SFT2D1: variants seen among roughly 807,000 people sequenced by gnomAD.
The protein encoded by SFT2D1 is vesicle transport protein SFT2A.
In SFT2D1, 24 loss-of-function variants were observed where a neutral mutation model predicts 28.1. That is an observed-to-expected ratio of 0.85 (90% CI 0.62 to 1.20). The LOEUF is 1.20. Ranked by LOEUF, SFT2D1 falls within the 50% of genes most tolerant of loss-of-function variation. The pLI is 0.00. For missense variants in SFT2D1, 181 were observed against 190.9 expected (o/e 0.95, Z 0.31); for synonymous variants, 82 against 73.7 (o/e 1.11, Z -0.58).
Position 166,328,316 on chromosome 6 carries a change from A to G in SFT2D1, c.275T>C (p.Met92Thr), listed in dbSNP as rs1554262964. ...LMGPVKQLKK[M>T]FEATRLLATI... is the part of the protein sequence containing the mutation. The stretch of plus-strand genomic sequence containing the variant: ...TGCAAGCAATCTTGTTGCTTCAAAC[A>G]TTTTCTTCAGTTGCTTCACAGGTCC... Residue 92 changes from methionine to threonine, a missense_variant, in exon 4 of 8, where the codon ATG becomes ACG. Physicochemically the swap from Met to Thr is moderately conservative, Grantham distance 81. Transcript: ENST00000361731. 1.3e-6 allele frequency: 2 copies of G among 1,598,084 alleles called. No individual in the cohort carries two copies. Among genetic ancestry groups the G allele is most frequent in the African/African-American group, 2.7e-5 (2 of 74,354 alleles).
intron 1 of SFT2D1, among the ~76,000 whole-genome samples, chr6:166,333,378 C>T (rs554282215): frequency 2.0e-5 from 3 of 152,332 alleles, no homozygotes; most frequent in African/African-American, 7.2e-5. Flanking sequence ...CCCTCCACTC[C>T]ACTCAGTGAC....
chr6:166,335,556 C>A (rs1778632014), intron 1 of SFT2D1: 2 of 420,238 alleles, frequency 4.8e-6, no homozygotes, highest in East Asian at 5.5e-5. Flanking sequence ...AGATTTTAAC[C>A]CATTTATGCC....
chr6:166,333,831 G>T (rs1343404037), intron 1 of SFT2D1, among the ~76,000 whole-genome samples: 1 of 152,136 alleles, frequency 6.6e-6, no homozygotes, highest in Non-Finnish European at 1.5e-5. Flanking sequence ...ATTCTTAGCA[G>T]ACAACTTCCC....
At chr6:166,332,262 G>A (rs1360291369) in intron 1 of SFT2D1, among the ~76,000 whole-genome samples, 3 of 152,144 alleles carry the variant, frequency 2.0e-5, no homozygotes, top group Admixed American at 2.0e-4. Context: ...GAACCCTGAC[G>A]TCTGCTTATC....
chr6:166,327,837 G>T (rs528597649), intron 4 of SFT2D1, among the ~76,000 whole-genome samples: 2 of 152,136 alleles, frequency 1.3e-5, no homozygotes, highest in Non-Finnish European at 2.9e-5. Context: ...CTTCACTCTT[G>T]TTGGCCAGTC....
intron 1 of SFT2D1, among the ~76,000 whole-genome samples, chr6:166,331,590 AC>A (rs758758589): frequency 3.3e-5 from 5 of 152,358 alleles, no homozygotes; most frequent in South Asian, 2.1e-4. Context: ...GCCTATAAAA[AC>A]ATCTACATTT....
chr6:166,342,206 G>GC (rs956366426), intron 1 of SFT2D1, among the ~76,000 whole-genome samples: 1 of 152,040 alleles, frequency 6.6e-6, no homozygotes, highest in Admixed American at 6.6e-5. Flanking sequence ...GAGTCGGGGG[G>GC]GGGCCTCAAA....
At chr6:166,332,413 CCTGA>C (rs1320599097) in intron 1 of SFT2D1, among the ~76,000 whole-genome samples, 2 of 152,294 alleles carry the variant, frequency 1.3e-5, no homozygotes, top group Non-Finnish European at 2.9e-5. Flanking sequence ...CGCCACCAGG[CCTGA>C]CTAATTTTTT....
intron 7 of SFT2D1, among the ~76,000 whole-genome samples, chr6:166,321,110 CAAAA>C (rs996031345): frequency 2.4e-5 from 3 of 122,854 alleles, no homozygotes; most frequent in Non-Finnish European, 5.2e-5. Context: ...GACTCCATCT[CAAAA>C]AAAAAAAAGA....
At chr6:166,335,371 C>G in intron 1 of SFT2D1, 1 of 573,556 alleles carries the variant, frequency 1.7e-6, no homozygotes, top group South Asian at 1.4e-5. Context: ...ATGATTTTGG[C>G]AATTACAACA....
intron 1 of SFT2D1, among the ~76,000 whole-genome samples, chr6:166,341,307 G>T (rs1420561201): frequency 6.6e-6 from 1 of 151,836 alleles, no homozygotes; most frequent in East Asian, 1.9e-4. Flanking sequence ...TAATTAGCAG[G>T]GCATGGTGGC....
rs550639224 is a variant in SFT2D1 at position 166,342,110 on chromosome 6, A to T, written c.63+309T>A. Among the ~76,000 whole-genome samples, 4 of 152,290 alleles carry T rather than the reference A, an allele frequency of 2.6e-5. No homozygotes were observed. The South Asian group carries it at 8.3e-4, about 32-fold the overall frequency. On this transcript the variant is annotated intron_variant, in intron 1 of 7. Transcript: ENST00000361731. ...GCCAGACCCCGCACCAGGCTCAGAAAACCAAATAGTACGTGGGAGCGATGG... is the reference window on the plus strand; with the variant it reads ...GCCAGACCCCGCACCAGGCTCAGAATACCAAATAGTACGTGGGAGCGATGG...
chr6:166,341,448 T>TAA (rs35479577), intron 1 of SFT2D1, among the ~76,000 whole-genome samples: 17 of 128,500 alleles, frequency 1.3e-4, no homozygotes, highest in Admixed American at 5.5e-4. Flanking sequence ...AGACTCCATC[T>TAA]AAAAAAAAAA....
chr6:166,324,657 C>G, intron 5 of SFT2D1, 62 bp from the exon 6 acceptor site: 1 of 1,468,216 alleles, frequency 6.8e-7, no homozygotes, highest in Non-Finnish European at 9.4e-7. Flanking sequence ...CTTTCTCAAT[C>G]AAACTTAATT....
At chr6:166,326,767 C>T (rs987258904) in intron 4 of SFT2D1, among the ~76,000 whole-genome samples, 14 of 152,194 alleles carry the variant, frequency 9.2e-5, no homozygotes, top group African/African-American at 1.7e-4. Flanking sequence ...CCTTGGGAGA[C>T]GTCTTATATG....
chr6:166,326,071 A>AC (rs1778438567), intron 5 of SFT2D1, 61 bp downstream of exon 5: 1 of 1,442,666 alleles, frequency 6.9e-7, no homozygotes, highest in African/African-American at 1.4e-5. Context: ...GTGTGATGAC[A>AC]CGTCAGCTGG....
intron 7 of SFT2D1, among the ~76,000 whole-genome samples, chr6:166,322,071 C>T (rs560901933): frequency 1.8e-4 from 28 of 152,236 alleles, no homozygotes; most frequent in African/African-American, 5.8e-4. Context: ...TTAGTAGAAA[C>T]GAGGTTTTGC....
intron 1 of SFT2D1, among the ~76,000 whole-genome samples, chr6:166,339,756 T>A (rs1048351884): frequency 6.6e-6 from 1 of 152,158 alleles, no homozygotes; most frequent in Non-Finnish European, 1.5e-5. Flanking sequence ...CTCCTCCTTC[T>A]CTCGCCACGC....
In SFT2D1 at chr6:166,320,148, G is replaced by T; in HGVS notation, c.*69C>A. On this transcript the variant is annotated 3_prime_UTR_variant, in exon 8 of 8. Transcript: ENST00000361731. ...TCAGTTGTTCCTGGAGTGTTTTATG[G>T]GGAAAAGCAAACTTCACCAAACATA... 1 of 1,488,482 alleles carries T rather than the reference G, an allele frequency of 6.7e-7. No individual in the cohort carries two copies. 92.2% of individuals were successfully genotyped at this position (1,488,482 alleles called of 1,614,324 possible). A position where few individuals can be genotyped will look rare whatever the true frequency, so the allele number is the denominator to read the frequency against.
Sources: gnomAD v4.1 joint callset for allele counts (sites outside exome capture counted in the v4.1 genomes callset) on GRCh38, gnomAD v4.1.1 for gene constraint, MANE v1.5 for transcripts, NCBI Gene and HGNC (gene_info 2026-07-23, HGNC 2026-07-21) for gene names.